Variants in TCF12 observed in about 807,000 individuals in gnomAD.
The protein encoded by TCF12 is transcription factor 12, also known as DNA-binding protein HTF4.
A neutral mutation model predicts 86.0 loss-of-function variants in TCF12; 45 were observed. The ratio of observed to expected loss-of-function variants is 0.52; its 90% CI spans 0.41 to 0.67. TCF12 has a LOEUF of 0.67. TCF12 is among the 30% of genes least tolerant of loss of function. The probability of loss-of-function intolerance (pLI) is 0.00; values close to 1 mark genes in which losing one functional copy is unlikely to be tolerated. For synonymous variants in TCF12, 330 were observed against 299.6 expected, an observed-to-expected ratio of 1.10 and a Z score of -1.05; for missense variants, 881 against 859.9, an observed-to-expected ratio of 1.02 and a Z score of -0.31.
At chr15:57,154,959 T>TC (rs1367128825) in intron 5 of TCF12, among the ~76,000 whole-genome samples, 1 of 152,210 alleles carries the variant, frequency 6.6e-6, no homozygotes, top group Non-Finnish European at 1.5e-5. Flanking sequence ...TTGTCACTGT[T>TC]CCACGCACTT....
intron 4 of TCF12, among the ~76,000 whole-genome samples, chr15:57,075,336 T>G (rs1277688884): frequency 6.6e-6 from 1 of 152,220 alleles, no homozygotes; most frequent in African/African-American, 2.4e-5. Flanking sequence ...AGTTTTGTAG[T>G]CTCTTGGAAT....
chr15:56,929,905 A>G (rs2060171319), intron 3 of TCF12, among the ~76,000 whole-genome samples: 1 of 152,160 alleles, frequency 6.6e-6, no homozygotes, highest in African/African-American at 2.4e-5. Flanking sequence ...GTGGTAATCT[A>G]TGGAAGATCA....
intron 3 of TCF12, among the ~76,000 whole-genome samples, chr15:57,025,181 G>T (rs2065748225): frequency 6.6e-6 from 1 of 152,052 alleles, no homozygotes; most frequent in African/African-American, 2.4e-5. Flanking sequence ...CTGGGTTAAA[G>T]CTGTTCTTTT....
intron 5 of TCF12, among the ~76,000 whole-genome samples, chr15:57,100,107 T>C (rs2151165349): frequency 6.6e-6 from 1 of 152,296 alleles, no homozygotes; most frequent in East Asian, 1.9e-4. Context: ...TGATAAATGG[T>C]TCTTCTTTGA....
chr15:57,007,792 CTCTT>C lies in TCF12; in HGVS notation c.149-55932_149-55929del, dbSNP rs562497424. On this transcript the variant is annotated intron_variant, in intron 3 of 20. Coordinates refer to ENST00000333725, the MANE Select transcript of TCF12 (RefSeq NM_207037.2). The stretch of plus-strand genomic sequence containing the variant: ...TTTCTTTCTTTCTTTCTTTCTTTCT[CTCTT>C]TCTTTCTTTCTTTCTTTCTTTCTTT... 1.1e-3 allele frequency among the ~76,000 whole-genome samples: 60 copies of C among 52,584 alleles called. 1 individual carries two copies. The highest frequency in any genetic ancestry group is 3.0e-3 in the African/African-American group (57 of 19,226). 34.5% of individuals were successfully genotyped at this position (52,584 alleles called of 152,430 possible). A position where few individuals can be genotyped will look rare whatever the true frequency, so the allele number is the denominator to read the frequency against.
At chr15:56,991,926 A>G (rs2063479395) in intron 3 of TCF12, among the ~76,000 whole-genome samples, 1 of 152,234 alleles carries the variant, frequency 6.6e-6, no homozygotes. Context: ...GGAGATAAAC[A>G]CTATTGTCAT....
At chr15:57,035,092 T>A (rs536124040) in intron 3 of TCF12, among the ~76,000 whole-genome samples, 1 of 152,300 alleles carries the variant, frequency 6.6e-6, no homozygotes, top group African/African-American at 2.4e-5. Context: ...GTATTTAACA[T>A]GAATTCTTTT....
At chr15:57,290,092 C>T (rs1207748768), downstream of TCF12, among the ~76,000 whole-genome samples, 1 of 151,346 alleles carries the variant, frequency 6.6e-6, no homozygotes, top group Non-Finnish European at 1.5e-5. Flanking sequence ...CGCCTGTAAT[C>T]TCAGCACTTT....
chr15:57,073,489 A>G (rs569398426), intron 4 of TCF12, among the ~76,000 whole-genome samples: 33 of 152,166 alleles, frequency 2.2e-4, no homozygotes, highest in Non-Finnish European at 3.5e-4. Context: ...ACACACTTTC[A>G]TGTTACCTGC....
intron 16 of TCF12, among the ~76,000 whole-genome samples, chr15:57,254,536 A>G (rs1237178470): frequency 6.6e-6 from 1 of 152,104 alleles, no homozygotes; most frequent in African/African-American, 2.4e-5. Flanking sequence ...TGATAAGCTA[A>G]TAAGTGTCAA....
intron 3 of TCF12, among the ~76,000 whole-genome samples, chr15:57,056,185 G>C (rs2068013656): frequency 6.7e-6 from 1 of 150,372 alleles, no homozygotes; most frequent in Non-Finnish European, 1.5e-5. Context: ...TTGTTGCCCA[G>C]GCTGGAGTGC....
At chr15:57,052,171 A>G (rs2067677149) in intron 3 of TCF12, among the ~76,000 whole-genome samples, 1 of 152,160 alleles carries the variant, frequency 6.6e-6, no homozygotes, top group Non-Finnish European at 1.5e-5. Context: ...ATTTGTATGA[A>G]TTTTTTAGTC....
At chr15:57,224,136 G>T (rs1036832831) in intron 8 of TCF12, among the ~76,000 whole-genome samples, 15 of 151,766 alleles carry the variant, frequency 9.9e-5, no homozygotes, top group African/African-American at 3.4e-4. Context: ...AAGGTATGTT[G>T]TCACTGGTCA....
At chr15:57,212,465 G>A (rs1377529501) in intron 8 of TCF12, among the ~76,000 whole-genome samples, 2 of 151,982 alleles carry the variant, frequency 1.3e-5, no homozygotes, top group African/African-American at 2.4e-5. Flanking sequence ...TTTTTGTAGA[G>A]ACAGGTCTTG....
At chr15:57,137,953 G>T (rs908404375) in intron 5 of TCF12, among the ~76,000 whole-genome samples, 1 of 152,108 alleles carries the variant, frequency 6.6e-6, no homozygotes. Context: ...TTTGAACCCG[G>T]GAGGTAGAGG....
chr15:57,245,074 A>T (rs2059799452), intron 13 of TCF12, among the ~76,000 whole-genome samples: 1 of 152,230 alleles, frequency 6.6e-6, no homozygotes, highest in Admixed American at 6.5e-5. Context: ...ACAGTTGGGG[A>T]AATAATTCTG....
chr15:57,070,442 A>G (rs1596378748), intron 4 of TCF12, among the ~76,000 whole-genome samples: 1 of 152,230 alleles, frequency 6.6e-6, no homozygotes, highest in East Asian at 1.9e-4. Context: ...GTTCATAGAC[A>G]AAGCCATAGA....
chr15:57,040,948 T>C (rs1414129379), intron 3 of TCF12, among the ~76,000 whole-genome samples: 1 of 152,216 alleles, frequency 6.6e-6, no homozygotes, highest in Non-Finnish European at 1.5e-5. Flanking sequence ...CATAGTGTTC[T>C]GAAGACCACA....
chr15:57,226,079 T>G (rs879374769), intron 8 of TCF12, among the ~76,000 whole-genome samples: 27 of 147,380 alleles, frequency 1.8e-4, no homozygotes, highest in Non-Finnish European at 3.0e-4. Context: ...AATTACCTAG[T>G]TTTTTGAATG....
Sources: gnomAD v4.1 joint callset for allele counts (sites outside exome capture counted in the v4.1 genomes callset) on GRCh38, gnomAD v4.1.1 for gene constraint, MANE v1.5 for transcripts, NCBI Gene and HGNC (gene_info 2026-07-23, HGNC 2026-07-21) for gene names.